The following ATG7 variants were observed in gnomAD, a reference collection of about 807,000 sequenced individuals.
ATG7 encodes ubiquitin-like modifier-activating enzyme ATG7.
A neutral mutation model predicts 82.4 loss-of-function variants in ATG7; 70 were observed. The ratio of observed to expected loss-of-function variants is 0.85; its 90% CI spans 0.70 to 1.04. The LOEUF is 1.04. Ranked by LOEUF, ATG7 falls within the 50% of genes least tolerant of loss-of-function variation. The pLI is 0.00. For synonymous variants in ATG7, 287 were observed against 313.0 expected, an observed-to-expected ratio of 0.92 and a Z score of 0.88; for missense variants, 792 against 864.3, an observed-to-expected ratio of 0.92 and a Z score of 1.05.
At chr3:11,284,977 G>T (rs1275964981) in intron 3 of ATG7, among the ~76,000 whole-genome samples, 1 of 151,272 alleles carries the variant, frequency 6.6e-6, no homozygotes, top group African/African-American at 2.4e-5. Flanking sequence ...CTCCCAAGTA[G>T]TTGGGACTAT....
chr3:11,431,122 T>C (rs1194510090), intron 20 of ATG7, among the ~76,000 whole-genome samples: 2 of 152,232 alleles, frequency 1.3e-5, no homozygotes, highest in East Asian at 1.9e-4. Flanking sequence ...CCATTTTGGC[T>C]GGGCGCAGTG....
chr3:11,274,542 A>C (rs933080401), intron 1 of ATG7, among the ~76,000 whole-genome samples: 9 of 152,070 alleles, frequency 5.9e-5, no homozygotes, highest in African/African-American at 2.2e-4. Context: ...CTTGTGGTTC[A>C]CTGGAGTGCC....
Position 11,347,861 on chromosome 3 carries a change from T to A in ATG7, c.1126-16T>A. ...TGTTCATCAGAAACACACCATGATC[T>A]CCTGTTTCCACACAGGGTTGGGGCG... is the stretch of plus-strand genomic sequence containing the variant. On this transcript the variant is annotated splice_polypyrimidine_tract_variant and intron_variant, in intron 13 of 20. Coordinates refer to ENST00000693202, the MANE Select transcript of ATG7 (RefSeq NM_001349232.2). 1 of 1,609,750 alleles carries A rather than the reference T, an allele frequency of 6.2e-7. No individual in the cohort carries two copies.
chr3:11,494,146 G>A (rs2090623104), intron 20 of ATG7, among the ~76,000 whole-genome samples: 1 of 152,344 alleles, frequency 6.6e-6, no homozygotes, highest in Admixed American at 6.5e-5. Context: ...ATCAGGCGCT[G>A]CAGCAGGCAA....
At chr3:11,576,050 T>C in the ATG7 span, among the ~76,000 whole-genome samples, 1 of 152,376 alleles carries the variant, frequency 6.6e-6, no homozygotes, top group South Asian at 2.1e-4. Flanking sequence ...TTTTCCATTA[T>C]TAGCTTTAGT....
chr3:11,285,655 G>A (rs922230500), intron 3 of ATG7, among the ~76,000 whole-genome samples: 1 of 152,080 alleles, frequency 6.6e-6, no homozygotes, highest in African/African-American at 2.4e-5. Flanking sequence ...ACCTCACCCT[G>A]TAATCACCAT....
intron 20 of ATG7, among the ~76,000 whole-genome samples, chr3:11,475,517 A>G (rs1005708694): frequency 3.3e-5 from 5 of 152,100 alleles, no homozygotes; most frequent in Non-Finnish European, 5.9e-5. Context: ...GGGAGCACAC[A>G]TCCCAGGGCG....
intron 1 of ATG7, among the ~76,000 whole-genome samples, chr3:11,274,218 A>T (rs1042535039): frequency 6.6e-6 from 1 of 152,162 alleles, no homozygotes; most frequent in Non-Finnish European, 1.5e-5. Flanking sequence ...ATAAACATTT[A>T]TTGAGCTTCA....
intron 9 of ATG7, among the ~76,000 whole-genome samples, chr3:11,320,886 C>T (rs1950127386): frequency 6.6e-6 from 1 of 152,212 alleles, no homozygotes; most frequent in Admixed American, 6.5e-5. Context: ...TTAATGTGAG[C>T]ATTCTGTTGT....
At chr3:11,474,242 A>G (rs1462590444) in intron 20 of ATG7, among the ~76,000 whole-genome samples, 1 of 152,222 alleles carries the variant, frequency 6.6e-6, no homozygotes, top group Middle Eastern at 3.2e-3. Context: ...CATGGAGCCT[A>G]CTTTTCTAGT....
intron 20 of ATG7, among the ~76,000 whole-genome samples, chr3:11,452,641 C>T (rs2085306552): frequency 6.6e-6 from 1 of 152,022 alleles, no homozygotes; most frequent in Non-Finnish European, 1.5e-5. Flanking sequence ...AATGGAAAAC[C>T]AGTTAACATG....
chr3:11,411,131 G>A (rs952788363), intron 19 of ATG7, among the ~76,000 whole-genome samples: 9 of 152,064 alleles, frequency 5.9e-5, no homozygotes, highest in African/African-American at 1.4e-4. Flanking sequence ...TTGTAAAATA[G>A]TAGCCATTCT....
chr3:11,388,509 A>C (rs995210084), intron 19 of ATG7, among the ~76,000 whole-genome samples: 6 of 151,314 alleles, frequency 4.0e-5, no homozygotes, highest in Admixed American at 6.6e-5. Flanking sequence ...GCTCACTGCA[A>C]GCTCCGCCTC....
rs545895256 is a variant in ATG7, at chr3:11,336,306, T to C, written c.889+3213T>C. 8.5e-5 allele frequency among the ~76,000 whole-genome samples: 13 copies of C among 152,086 alleles called. No homozygotes were observed. The East Asian group carries it at 1.9e-3, about 23-fold the overall frequency. On this transcript the variant is annotated intron_variant, in intron 11 of 20. Coordinates refer to ENST00000693202, the MANE Select transcript of ATG7 (RefSeq NM_001349232.2). ...GCCTCAGCCTCCCAAGGTGCTAGGA[T>C]TACAGGCGTGAGTCACACGTCCAGC... is the stretch of plus-strand genomic sequence containing the variant.
rs527916195 is a variant in ATG7 at position 11,390,457 on chromosome 3, G to T, written c.1956+10405G>T. On this transcript the variant is annotated intron_variant, in intron 19 of 20. Transcript: ENST00000693202. ...CCAATAGGCGCTGAAAGTATACCTGGAAAATGAGACCTATGTCATCCTATC... is the reference window on the plus strand; with the variant it reads ...CCAATAGGCGCTGAAAGTATACCTGTAAAATGAGACCTATGTCATCCTATC... Among the ~76,000 whole-genome samples the T allele has an allele frequency of 1.1e-4, 17 of 152,310 alleles. No homozygotes were observed. In the South Asian group the frequency reaches 3.3e-3, roughly 30 times the overall value.
intron 20 of ATG7, among the ~76,000 whole-genome samples, chr3:11,509,266 C>G (rs1007653952): frequency 2.6e-5 from 4 of 152,122 alleles, no homozygotes; most frequent in Admixed American, 6.5e-5. Flanking sequence ...TGGCTGCTGC[C>G]GGCAGGAGGG....
At chr3:11,512,087 G>A (rs1184641272) in intron 20 of ATG7, among the ~76,000 whole-genome samples, 1 of 152,226 alleles carries the variant, frequency 6.6e-6, no homozygotes, top group African/African-American at 2.4e-5. Flanking sequence ...TGCCACCAAA[G>A]TGGGAGCCCA....
At chr3:11,284,995 C>T (rs1049153927) in intron 3 of ATG7, among the ~76,000 whole-genome samples, 2 of 151,364 alleles carry the variant, frequency 1.3e-5, no homozygotes, top group Admixed American at 6.6e-5. Flanking sequence ...TATAGGCGCC[C>T]GCCACCATGC....
chr3:11,360,461 A>G, intron 15 of ATG7, 120 bp from the exon 16 acceptor site: 2 of 983,078 alleles, frequency 2.0e-6, no homozygotes, highest in Non-Finnish European at 3.0e-6. Context: ...TAGCTTTTAT[A>G]ATCTAATTAC....
Sources: allele counts gnomAD v4.1 joint callset (sites outside exome capture counted in the v4.1 genomes callset), GRCh38; gene constraint gnomAD v4.1.1; transcripts MANE v1.5; gene names NCBI Gene and HGNC (gene_info 2026-07-23, HGNC 2026-07-21).